Variants in LYZL4 observed in about 807,000 individuals in gnomAD.
The protein encoded by LYZL4 is lysozyme like 4.
In LYZL4, 13 loss-of-function variants were observed where a neutral mutation model predicts 17.6. The ratio of observed to expected loss-of-function variants is 0.74; its 90% CI spans 0.48 to 1.18. The LOEUF (loss-of-function observed/expected upper bound fraction) is 1.18, where lower values mean the gene tolerates loss of function less well. Among genes scored for constraint, LYZL4 ranks in the 50% most tolerant of loss-of-function variants. The probability of loss-of-function intolerance (pLI) is 0.00; values close to 1 mark genes in which losing one functional copy is unlikely to be tolerated. For missense variants in LYZL4, 174 were observed against 188.2 expected, an observed-to-expected ratio of 0.92 and a Z score of 0.44; for synonymous variants, 64 against 67.7, an observed-to-expected ratio of 0.95 and a Z score of 0.27.
At chr3:42,408,535 C>A (rs1698805494) in intron 1 of LYZL4, among the ~76,000 whole-genome samples, 1 of 152,266 alleles carries the variant, frequency 6.6e-6, no homozygotes, top group Non-Finnish European at 1.5e-5. Context: ...CCCTCTGAGC[C>A]CCTATTGCTC....
chr3:42,360,901 G>A, the LYZL4 span, among the ~76,000 whole-genome samples: 1 of 151,800 alleles, frequency 6.6e-6, no homozygotes, highest in African/African-American at 2.4e-5. Context: ...ACGCAATTAG[G>A]TTCCTTTAGC....
the LYZL4 span, among the ~76,000 whole-genome samples, chr3:42,390,323 C>A: frequency 6.6e-6 from 1 of 152,224 alleles, no homozygotes; most frequent in African/African-American, 2.4e-5. Context: ...TGTCAGCAGC[C>A]TCTTTCCCTA....
At position 42,407,360 on chromosome 3, in the gene LYZL4, G is replaced by T; in HGVS notation, c.-92-17C>A. ...AGAAGGGCACTGTGGGGGTGGGGGT[G>T]GAGCACAGTTCAGTGTCATCAGAAA... is the stretch of plus-strand genomic sequence containing the variant. On this transcript the variant is annotated splice_polypyrimidine_tract_variant and intron_variant, in intron 1 of 4. Coordinates refer to ENST00000287748, the MANE Select transcript of LYZL4 (RefSeq NM_144634.4). 1 of 1,445,092 alleles carries T rather than the reference G, an allele frequency of 6.9e-7. No individual in the cohort carries two copies. The highest frequency in any genetic ancestry group is 9.5e-7 in the Non-Finnish European group (1 of 1,054,438). 89.5% of individuals were successfully genotyped at this position (1,445,092 alleles called of 1,614,324 possible).
downstream of LYZL4, among the ~76,000 whole-genome samples, chr3:42,394,908 G>T (rs1698531206): frequency 6.6e-6 from 1 of 152,218 alleles, no homozygotes; most frequent in Non-Finnish European, 1.5e-5. Context: ...TCTGGGTTAA[G>T]ATTGGATTGA....
downstream of LYZL4, among the ~76,000 whole-genome samples, chr3:42,393,820 C>T (rs974747242): frequency 2.0e-5 from 3 of 152,128 alleles, no homozygotes; most frequent in Admixed American, 1.3e-4. Context: ...GAGACAGAGT[C>T]TTGCTCTGTC....
At chr3:42,402,511 G>C (rs1698675745) in intron 4 of LYZL4, among the ~76,000 whole-genome samples, 1 of 152,134 alleles carries the variant, frequency 6.6e-6, no homozygotes, top group Non-Finnish European at 1.5e-5. Context: ...CTTCACCAAA[G>C]GGGATACATA....
At chr3:42,406,394 C>T (rs1698749644) in intron 3 of LYZL4, among the ~76,000 whole-genome samples, 1 of 144,982 alleles carries the variant, frequency 6.9e-6, no homozygotes, top group African/African-American at 2.6e-5. Flanking sequence ...GTGGAGCTTG[C>T]CGTGAGCCGA....
chr3:42,381,634 T>C, the LYZL4 span, among the ~76,000 whole-genome samples: 1 of 152,146 alleles, frequency 6.6e-6, no homozygotes, highest in Admixed American at 6.5e-5. Context: ...CTATCTGAAA[T>C]GGCAAAAAGT....
Position 42,407,519 on chromosome 3 carries a change from C to T in LYZL4, c.-92-176G>A, listed in dbSNP as rs149900484. On this transcript the variant is annotated intron_variant, in intron 1 of 4. Transcript: ENST00000287748. ...GACCTCCTATTTTCTAAGGAAATTG[C>T]ACTCTTGAGGCCCCCTCCCAACCCC... 1.5e-3 allele frequency: 716 copies of T among 483,596 alleles called. 10 individuals carry two copies. The East Asian group carries it at 0.024, about 16-fold the overall frequency. 30.0% of individuals were successfully genotyped at this position (483,596 alleles called of 1,614,324 possible).
intron 4 of LYZL4, among the ~76,000 whole-genome samples, chr3:42,401,764 A>G (rs1277852760): frequency 2.6e-5 from 4 of 152,166 alleles, no homozygotes; most frequent in Non-Finnish European, 5.9e-5. Flanking sequence ...ACTTTAACAA[A>G]CTAGAGATGG....
intron 1 of LYZL4, among the ~76,000 whole-genome samples, chr3:42,408,568 C>A (rs1489899634): frequency 6.6e-6 from 1 of 152,196 alleles, no homozygotes; most frequent in Non-Finnish European, 1.5e-5. Flanking sequence ...CCATGACACA[C>A]TGCAGATGAT....
intron 1 of LYZL4, among the ~76,000 whole-genome samples, chr3:42,408,421 G>T (rs773390193): frequency 1.3e-5 from 2 of 152,174 alleles, no homozygotes; most frequent in East Asian, 3.9e-4. Flanking sequence ...AATGCACAGG[G>T]CCCTACCATG....
chr3:42,364,341 C>T, the LYZL4 span, among the ~76,000 whole-genome samples: 13 of 119,850 alleles, frequency 1.1e-4, no homozygotes, highest in Admixed American at 1.9e-4. Flanking sequence ...TTTTTCTTTT[C>T]TTTTTTTTTT....
At chr3:42,377,190 CAGGGAAT>C in the LYZL4 span, among the ~76,000 whole-genome samples, 1 of 152,148 alleles carries the variant, frequency 6.6e-6, no homozygotes, top group Non-Finnish European at 1.5e-5. Context: ...CCAGGAGAAG[CAGGGAAT>C]AGGGAATAGG....
At chr3:42,374,645 C>A in the LYZL4 span, among the ~76,000 whole-genome samples, 2 of 152,288 alleles carry the variant, frequency 1.3e-5, no homozygotes, top group East Asian at 3.9e-4. Context: ...ACTGATACGG[C>A]CCTCCCTTCA....
the LYZL4 span, among the ~76,000 whole-genome samples, chr3:42,387,708 A>G: frequency 6.6e-6 from 1 of 152,104 alleles, no homozygotes. Context: ...GGAACATGAA[A>G]CTTGCCTCAC....
At chr3:42,378,158 C>A in the LYZL4 span, among the ~76,000 whole-genome samples, 5 of 152,088 alleles carry the variant, frequency 3.3e-5, no homozygotes, top group Non-Finnish European at 1.5e-5. Context: ...CCCCAGTGTC[C>A]CAACAGGAAG....
chr3:42,376,182 G>T, the LYZL4 span, among the ~76,000 whole-genome samples: 31 of 152,242 alleles, frequency 2.0e-4, no homozygotes, highest in Admixed American at 2.0e-3. Flanking sequence ...GTGCAGAAGT[G>T]CAGAGGCCCA....
At chr3:42,385,760 T>G in the LYZL4 span, among the ~76,000 whole-genome samples, 1 of 152,184 alleles carries the variant, frequency 6.6e-6, no homozygotes, top group Non-Finnish European at 1.5e-5. Context: ...AAAACGGTAA[T>G]ACTAACACCT....
Sources: gnomAD v4.1 joint callset for allele counts (sites outside exome capture counted in the v4.1 genomes callset) on GRCh38, gnomAD v4.1.1 for gene constraint, MANE v1.5 for transcripts, NCBI Gene and HGNC (gene_info 2026-07-23, HGNC 2026-07-21) for gene names.